Variants in NXPE3 observed in about 807,000 individuals in gnomAD.
The protein encoded by NXPE3 is neurexophilin and PC-esterase domain family member 3, also known as NXPE family member 3.
In NXPE3, 26 loss-of-function variants were observed where a neutral mutation model predicts 46.1. The ratio of observed to expected loss-of-function variants is 0.56; its 90% CI spans 0.41 to 0.78. NXPE3 has a LOEUF of 0.78. Ranked by LOEUF, NXPE3 falls within the 30% of genes least tolerant of loss-of-function variation. The probability of loss-of-function intolerance (pLI) is 0.00; values close to 1 mark genes in which losing one functional copy is unlikely to be tolerated. For synonymous variants in NXPE3, 272 were observed against 257.9 expected, an observed-to-expected ratio of 1.05 and a Z score of -0.52; for missense variants, 620 against 686.0, an observed-to-expected ratio of 0.90 and a Z score of 1.07.
chr3:101,788,876 A>G (rs1222234315), intron 4 of NXPE3, among the ~76,000 whole-genome samples: 1 of 152,162 alleles, frequency 6.6e-6, no homozygotes, highest in Admixed American at 6.5e-5. Context: ...TCGGCCTCCC[A>G]AAGTGCTGGG....
Position 101,822,751 on chromosome 3 carries a change from A to T in NXPE3, c.*797A>T, listed in dbSNP as rs1237918314. The T allele has an allele frequency of 6.6e-6, 1 of 152,070 alleles. No individual in the cohort carries two copies. Among genetic ancestry groups the T allele is most frequent in the Non-Finnish European group, 1.5e-5 (1 of 68,010 alleles). The allele number at this position is 152,070 out of a possible 1,614,324, so 9.4% of individuals were successfully genotyped here. On this transcript the variant is annotated 3_prime_UTR_variant, in exon 8 of 8. Transcript: ENST00000273347. ...ATGGAAATTTATTTTTATGTTCTGA[A>T]ATTTGAGGGTTTAGGAATTGACTTT...
At chr3:101,808,818 G>GAGATATATATATAT (rs1313213746) in intron 6 of NXPE3, among the ~76,000 whole-genome samples, 4 of 30,814 alleles carry the variant, frequency 1.3e-4, no homozygotes, top group Admixed American at 9.7e-4. Context: ...AATTTTAGAG[G>GAGATATATATATAT]ATATATATAT....
At position 101,785,202 on chromosome 3, in the gene NXPE3, C is replaced by T. The variant is rs536327847; in HGVS notation, c.-195-200C>T. ...CAATAGGGGAAATATTGTATTTACA[C>T]GGAAGCCTGACACTGGGAAAGGAAA... On this transcript the variant is annotated intron_variant, in intron 3 of 7. Coordinates refer to ENST00000273347, the MANE Select transcript of NXPE3 (RefSeq NM_145037.4). 5.3e-5 allele frequency among the ~76,000 whole-genome samples: 8 copies of T among 152,242 alleles called. 1 individual carries two copies. The South Asian group carries it at 8.3e-4, about 16-fold the overall frequency.
At position 101,785,556 on chromosome 3, in the gene NXPE3, A is replaced by G. The variant is rs762652318; in HGVS notation, c.-41A>G. ...ACATGGAATTTTAAAGAGTGAAGGT[A>G]GCATGGTGTCGGCCATGGGTGAACA... On this transcript the variant is annotated 5_prime_UTR_variant, in exon 4 of 8. Coordinates refer to ENST00000273347, the MANE Select transcript of NXPE3 (RefSeq NM_145037.4). 4 of 1,524,144 alleles carry G rather than the reference A, an allele frequency of 2.6e-6. No homozygotes were observed. Among genetic ancestry groups the G allele is most frequent in the Non-Finnish European group, 3.6e-6 (4 of 1,097,950 alleles). 94.4% of individuals were successfully genotyped at this position (1,524,144 alleles called of 1,614,324 possible).
At chr3:101,809,992 A>G (rs914235591) in intron 6 of NXPE3, among the ~76,000 whole-genome samples, 1 of 152,196 alleles carries the variant, frequency 6.6e-6, no homozygotes. Context: ...GTATTTATGT[A>G]TTAGCTAATT....
rs969152708 is a variant in NXPE3 at position 101,787,630 on chromosome 3, C to T, written c.93+1941C>T. ...CTGGTATTTGTCTTTTTGTGATTGGCTTATTTCTGTTAGCATAACGTCCCC... is the reference window on the plus strand; with the variant it reads ...CTGGTATTTGTCTTTTTGTGATTGGTTTATTTCTGTTAGCATAACGTCCCC... On this transcript the variant is annotated intron_variant, in intron 4 of 7. Coordinates refer to ENST00000273347, the MANE Select transcript of NXPE3 (RefSeq NM_145037.4). 4.6e-5 allele frequency among the ~76,000 whole-genome samples: 7 copies of T among 152,294 alleles called. No individual in the cohort carries two copies. The South Asian group carries it at 1.4e-3, about 32-fold the overall frequency.
At chr3:101,810,131 C>T (rs1171282673) in intron 6 of NXPE3, among the ~76,000 whole-genome samples, 3 of 152,320 alleles carry the variant, frequency 2.0e-5, no homozygotes, top group East Asian at 1.9e-4. Context: ...TTCTAGCTGA[C>T]TACCTTTTTA....
chr3:101,816,364 G>C (rs35218344), intron 6 of NXPE3, among the ~76,000 whole-genome samples: 6,356 of 151,824 alleles, frequency 0.042, 194 homozygotes, highest in Non-Finnish European at 0.068. Context: ...TGCTGCACCT[G>C]TCAACCCATC....
chr3:101,783,340 C>T (rs530741302), intron 3 of NXPE3, among the ~76,000 whole-genome samples: 16 of 152,332 alleles, frequency 1.1e-4, no homozygotes, highest in African/African-American at 3.1e-4. Flanking sequence ...GGATTACAGG[C>T]GTGAGCCACT....
chr3:101,821,431 C>T lies in NXPE3; in HGVS notation c.1157C>T (p.Pro386Leu). The T allele has an allele frequency of 2.5e-6, 4 of 1,613,836 alleles. No homozygotes were observed. Among genetic ancestry groups the T allele is most frequent in the Non-Finnish European group, 3.4e-6 (4 of 1,179,904 alleles). Residue 386 changes from proline to leucine, a missense_variant, in exon 8 of 8, where the codon CCC becomes CTC. This residue lies in a region of NXPE3 where 511 missense variants were observed against 528.6 expected (regional missense o/e 0.97). Coordinates refer to ENST00000273347, the MANE Select transcript of NXPE3 (RefSeq NM_145037.4). Reference protein sequence around the residue: ...PDLVEFNLGSPKNVGPFLAVD... With the variant: ...PDLVEFNLGSLKNVGPFLAVD... ...TTAGTGGAGTTTAACTTGGGTAGTC[C>T]CAAGAATGTGGGTCCCTTCCTTGCA...
intron 7 of NXPE3, among the ~76,000 whole-genome samples, chr3:101,818,428 C>A: frequency 6.6e-6 from 1 of 151,996 alleles, no homozygotes; most frequent in Non-Finnish European, 1.5e-5. Flanking sequence ...TTGCTTGCTT[C>A]TTAAATTCTA....
In NXPE3 at chr3:101,821,828, A is replaced by G. The variant is rs770943947; in HGVS notation, c.1554A>G (p.Val518=). 5.6e-6 allele frequency: 9 copies of G among 1,614,070 alleles called. No homozygotes were observed. The African/African-American group carries it at 9.3e-5, about 17-fold the overall frequency. The change falls in exon 8 of 8, where the codon GTA becomes GTG. Residue 518 remains valine, a synonymous_variant. Transcript: ENST00000273347. ...GGAGGATGTTCTCAGGGGTTGGAGT[A>G]TATCTCGTCGATGCCTGGGAGATGA... ...ILRRMFSGVG[V]YLVDAWEMTL...
At chr3:101,806,970 A>G (rs1283768545) in intron 5 of NXPE3, 83 bp from the exon 6 acceptor site, 2 of 929,292 alleles carry the variant, frequency 2.2e-6, no homozygotes, top group Non-Finnish European at 3.5e-6. Flanking sequence ...GAAATTAGTC[A>G]TTTTATCATT....
intron 4 of NXPE3, among the ~76,000 whole-genome samples, chr3:101,787,602 G>T (rs1009679729): frequency 6.6e-6 from 1 of 152,208 alleles, no homozygotes; most frequent in African/African-American, 2.4e-5. Context: ...CATGAAGCCT[G>T]GCCTGGTATT....
At chr3:101,818,057 AT>A (rs1199855793) in intron 7 of NXPE3, among the ~76,000 whole-genome samples, 1 of 151,244 alleles carries the variant, frequency 6.6e-6, no homozygotes, top group East Asian at 1.9e-4. Flanking sequence ...CACTCAGCTA[AT>A]TTTTTTGTAT....
chr3:101,788,804 T>TG (rs1285817363), intron 4 of NXPE3, among the ~76,000 whole-genome samples: 1 of 151,742 alleles, frequency 6.6e-6, no homozygotes, highest in African/African-American at 2.4e-5. Flanking sequence ...TTAGTAGAGA[T>TG]GGGGTTTTGC....
chr3:101,808,836 T>G (rs989360050), intron 6 of NXPE3, among the ~76,000 whole-genome samples: 2 of 117,032 alleles, frequency 1.7e-5, no homozygotes. Flanking sequence ...TATATATATA[T>G]ATATATATAT....
At chr3:101,818,057 A>AT (rs1199855793) in intron 7 of NXPE3, among the ~76,000 whole-genome samples, 1 of 151,244 alleles carries the variant, frequency 6.6e-6, no homozygotes, top group East Asian at 1.9e-4. Context: ...CACTCAGCTA[A>AT]TTTTTTTGTA....
intron 4 of NXPE3, among the ~76,000 whole-genome samples, chr3:101,798,013 A>G (rs1940933191): frequency 8.3e-6 from 1 of 120,714 alleles, no homozygotes; most frequent in South Asian, 3.3e-4. Flanking sequence ...GACTTCCACA[A>G]TGGTTGAACT....
Sources: gnomAD v4.1 joint callset for allele counts (sites outside exome capture counted in the v4.1 genomes callset) on GRCh38, gnomAD v4.1.1 for gene constraint, gnomAD v4.1.1 regional missense constraint, MANE v1.5 for transcripts, NCBI Gene and HGNC (gene_info 2026-07-23, HGNC 2026-07-21) for gene names.